The following PIK3CD variants were observed in gnomAD, a reference collection of about 807,000 sequenced individuals.
The protein encoded by PIK3CD is phosphatidylinositol-4,5-bisphosphate 3-kinase catalytic subunit delta.
Under a neutral mutation model 122.9 loss-of-function variants are expected in PIK3CD, and 20 were observed. The observed-to-expected ratio is 0.16, with a 90% confidence interval of 0.11 to 0.24. PIK3CD has a LOEUF of 0.24. Ranked by LOEUF, PIK3CD falls within the 10% of genes least tolerant of loss-of-function variation. PIK3CD has a pLI of 1.00. For missense variants in PIK3CD, 787 were observed against 1,406.3 expected (o/e 0.56, Z 7.04); for synonymous variants, 596 against 593.4 (o/e 1.00, Z -0.06).
intron 1 of PIK3CD, among the ~76,000 whole-genome samples, chr1:9,690,850 T>C (rs939889602): frequency 1.3e-5 from 2 of 151,700 alleles, no homozygotes; most frequent in African/African-American, 2.4e-5. Context: ...GGGCCTGGGG[T>C]TGGGAGAAGG....
In PIK3CD at chr1:9,723,099, G is replaced by C; in HGVS notation, c.2427-26G>C. On this transcript the variant is annotated intron_variant, in intron 19 of 23. Transcript: ENST00000377346. The surrounding 1 kb of genome is among the most constrained non-coding windows in gnomAD (Gnocchi z 4.9). The stretch of plus-strand genomic sequence containing the variant: ...GGGACAGCCCTTGACCATGCCATTT[G>C]CCCGTCCCTCTTCCCCCTTGCCTAG... 6.2e-7 allele frequency: 1 copy of C among 1,612,322 alleles called. No individual in the cohort carries two copies. The highest frequency in any genetic ancestry group is 8.5e-7 in the Non-Finnish European group (1 of 1,179,320).
intron 1 of PIK3CD, chr1:9,654,565 C>T (rs1008604846): frequency 2.2e-6 from 1 of 447,612 alleles, no homozygotes; most frequent in African/African-American, 2.1e-5. Context: ...GTTCCTGCTT[C>T]ATCTTGTTTT....
In PIK3CD at chr1:9,728,645, G is replaced by C. The variant is rs1474648498; in HGVS notation, c.*1599G>C. On this transcript the variant is annotated 3_prime_UTR_variant, in exon 24 of 24. Transcript: ENST00000377346. ...AGCAAGTGCTGAAACTCACTAGACC[G>C]TCTGCCTGTTTCGAAATGGGGAAAG... 1.3e-5 allele frequency: 2 copies of C among 152,252 alleles called. No individual in the cohort carries two copies. The highest frequency in any genetic ancestry group is 2.9e-5 in the Non-Finnish European group (2 of 68,042). 9.4% of individuals were successfully genotyped at this position (152,252 alleles called of 1,614,324 possible).
chr1:9,646,110 C>T, the PIK3CD span, among the ~76,000 whole-genome samples: 1 of 151,814 alleles, frequency 6.6e-6, no homozygotes. Context: ...TAACGAGACC[C>T]ATGGCATGGT....
the PIK3CD span, among the ~76,000 whole-genome samples, chr1:9,634,027 C>T: frequency 6.6e-6 from 1 of 151,812 alleles, no homozygotes; most frequent in Admixed American, 6.6e-5. Context: ...GGCTAGAGTG[C>T]AGTGGCGTGA....
In PIK3CD at chr1:9,720,625, G is replaced by C; in HGVS notation, c.1485G>C (p.Gly495=). The C allele has an allele frequency of 6.6e-7, 1 of 1,504,898 alleles. No individual in the cohort carries two copies. Among genetic ancestry groups the C allele is most frequent in the Non-Finnish European group, 8.9e-7 (1 of 1,124,436 alleles). 93.2% of individuals were successfully genotyped at this position (1,504,898 alleles called of 1,614,324 possible). A position where few individuals can be genotyped will look rare whatever the true frequency, so the allele number is the denominator to read the frequency against. ...GTTTGTTGCAGATCTTGGAGCTGGG[G>C]CGACACAGCGAGTGTGTGCATGTCA... The part of the protein sequence containing the change: ...YPALEKILEL[G]RHSECVHVTE... The change falls in exon 12 of 24, where the codon GGG becomes GGC. Residue 495 remains glycine (G), a synonymous_variant. Coordinates refer to ENST00000377346, the MANE Select transcript of PIK3CD (RefSeq NM_005026.5). The surrounding 1 kb of genome is among the most constrained non-coding windows in gnomAD (Gnocchi z 9.0).
chr1:9,633,109 C>A, the PIK3CD span, among the ~76,000 whole-genome samples: 1 of 152,102 alleles, frequency 6.6e-6, no homozygotes, highest in Non-Finnish European at 1.5e-5. Context: ...GATCCGCCCG[C>A]CTCGGCCTCC....
At chr1:9,687,939 G>T (rs1038600433) in intron 1 of PIK3CD, among the ~76,000 whole-genome samples, 2 of 152,132 alleles carry the variant, frequency 1.3e-5, no homozygotes, top group African/African-American at 4.8e-5. Context: ...GGGCATCCGG[G>T]ACCCCTGGCA....
At chr1:9,646,454 T>C in the PIK3CD span, among the ~76,000 whole-genome samples, 4 of 152,078 alleles carry the variant, frequency 2.6e-5, no homozygotes, top group East Asian at 7.7e-4. Flanking sequence ...CCCAGAATCT[T>C]TGACAAAGAA....
At chr1:9,638,777 A>AAT in the PIK3CD span, among the ~76,000 whole-genome samples, 1 of 116,992 alleles carries the variant, frequency 8.5e-6, no homozygotes. Context: ...CTTTTGCAAG[A>AAT]TTTTTTTTTT....
rs1298971801 is a variant in PIK3CD at position 9,689,986 on chromosome 1, G to T, written c.-137-1481G>T. 6.6e-6 allele frequency among the ~76,000 whole-genome samples: 1 copy of T among 152,248 alleles called. No individual in the cohort carries two copies. The highest frequency in any genetic ancestry group is 1.5e-5 in the Non-Finnish European group (1 of 68,036). ...TTCCTTTTGTGCCCCCCGGGGGTCA[G>T]GAATCCCAGGTTTCTCCGCTGCCGC... On this transcript the variant is annotated intron_variant, in intron 1 of 23. Transcript: ENST00000377346. The surrounding 1 kb of genome is among the most constrained non-coding windows in gnomAD (Gnocchi z 6.1).
At position 9,727,185 on chromosome 1, in the gene PIK3CD, T is replaced by C; in HGVS notation, c.*139T>C. 1.1e-6 allele frequency: 1 copy of C among 934,344 alleles called. No individual in the cohort carries two copies. The highest frequency in any genetic ancestry group is 1.7e-6 in the Non-Finnish European group (1 of 593,264). The allele number at this position is 934,344 out of a possible 1,614,324, so 57.9% of individuals were successfully genotyped here. A position where few individuals can be genotyped will look rare whatever the true frequency, so the allele number is the denominator to read the frequency against. On this transcript the variant is annotated 3_prime_UTR_variant, in exon 24 of 24. Coordinates refer to ENST00000377346, the MANE Select transcript of PIK3CD (RefSeq NM_005026.5). The stretch of plus-strand genomic sequence containing the variant: ...CATGGCTGCCTTTTGTTTACACTGG[T>C]TATTTATTTATGACTTGAAATAGTT...
chr1:9,642,566 A>G, the PIK3CD span, among the ~76,000 whole-genome samples: 1 of 150,846 alleles, frequency 6.6e-6, no homozygotes, highest in Non-Finnish European at 1.5e-5. Flanking sequence ...AAATACAAAA[A>G]ATTAGCCGGG....
intron 1 of PIK3CD, among the ~76,000 whole-genome samples, chr1:9,655,634 C>T (rs1366624285): frequency 1.3e-5 from 2 of 151,624 alleles, no homozygotes; most frequent in East Asian, 1.9e-4. Flanking sequence ...CTTACCACCT[C>T]GGATAAGGGT....
chr1:9,645,257 G>A, the PIK3CD span, among the ~76,000 whole-genome samples: 1 of 151,828 alleles, frequency 6.6e-6, no homozygotes, highest in Non-Finnish European at 1.5e-5. Context: ...GACTTCAGGC[G>A]ATCCACCTGC....
chr1:9,720,526 G>A lies in PIK3CD; in HGVS notation c.1471-85G>A. 2 of 1,544,146 alleles carry A rather than the reference G, an allele frequency of 1.3e-6. No homozygotes were observed. Among genetic ancestry groups the A allele is most frequent in the Non-Finnish European group, 1.8e-6 (2 of 1,142,748 alleles). ...CAGAGGACAGCGCCCCCTCAAGGAT[G>A]ATTGGGGTGGCAATGCCCGGCCTGG... On this transcript the variant is annotated intron_variant, in intron 11 of 23. Coordinates refer to ENST00000377346, the MANE Select transcript of PIK3CD (RefSeq NM_005026.5). This position sits in a 1 kb window ranked among gnomAD's most constrained non-coding sequence, Gnocchi z 9.0.
intron 3 of PIK3CD, among the ~76,000 whole-genome samples, chr1:9,714,169 C>T (rs889151775): frequency 6.6e-6 from 1 of 152,104 alleles, no homozygotes; most frequent in Non-Finnish European, 1.5e-5. Context: ...CATTTTAAAT[C>T]AGTCTTATTT....
intron 3 of PIK3CD, among the ~76,000 whole-genome samples, chr1:9,711,358 G>A (rs371237769): frequency 6.6e-6 from 1 of 152,198 alleles, no homozygotes; most frequent in Non-Finnish European, 1.5e-5. Context: ...GCCTCTTAAA[G>A]TGTTGGAATT....
chr1:9,676,223 C>T (rs900429408), intron 1 of PIK3CD, among the ~76,000 whole-genome samples: 1 of 152,142 alleles, frequency 6.6e-6, no homozygotes, highest in African/African-American at 2.4e-5. Context: ...AGCCACCGCA[C>T]CCAGCCACAC....
Sources: allele counts gnomAD v4.1 joint callset (sites outside exome capture counted in the v4.1 genomes callset), GRCh38; gene constraint gnomAD v4.1.1; non-coding constraint Gnocchi (gnomAD v3.1); transcripts MANE v1.5; gene names NCBI Gene and HGNC (gene_info 2026-07-23, HGNC 2026-07-21).